The following CACNA1A variants were observed in gnomAD, a reference collection of about 807,000 sequenced individuals.
CACNA1A encodes the protein calcium voltage-gated channel subunit alpha1 A, also known as voltage-dependent P/Q-type calcium channel subunit alpha-1A.
CACNA1A carries 57 observed loss-of-function variants against 262.4 expected under a neutral mutation model. That is an observed-to-expected ratio of 0.22 (90% confidence interval 0.18 to 0.27). CACNA1A has a LOEUF of 0.27. Ranked by LOEUF, CACNA1A falls within the 10% of genes least tolerant of loss-of-function variation. The pLI is 1.00. For missense variants in CACNA1A, 2,526 were observed against 3,562.8 expected, an observed-to-expected ratio of 0.71 and a Z score of 7.41; for synonymous variants, 1,431 against 1,419.3, an observed-to-expected ratio of 1.01 and a Z score of -0.18.
At chr19:13,217,184 G>A (rs938842846) in intron 38 of CACNA1A, among the ~76,000 whole-genome samples, 2 of 152,052 alleles carry the variant, frequency 1.3e-5, no homozygotes, top group African/African-American at 4.8e-5. Context: ...AGATTCTTCT[G>A]GGCAGAGAGA....
chr19:13,280,555 G>A (rs1427645563), intron 22 of CACNA1A, among the ~76,000 whole-genome samples: 1 of 152,066 alleles, frequency 6.6e-6, no homozygotes, highest in Non-Finnish European at 1.5e-5. Context: ...CATGGGGACA[G>A]TATTCACACT....
intron 21 of CACNA1A, chr19:13,284,146 C>T (rs1432555182): frequency 2.0e-5 from 3 of 149,950 alleles, no homozygotes; most frequent in Non-Finnish European, 4.4e-5. Context: ...CTCCCACTGG[C>T]TTGCTGTGTG....
chr19:13,209,039 C>G, intron 45 of CACNA1A, 30 bp from the exon 46 acceptor site: 4 of 1,536,676 alleles, frequency 2.6e-6, no homozygotes, highest in Non-Finnish European at 3.5e-6. Flanking sequence ...GACAGACACA[C>G]AGGTGGTCGT....
chr19:13,313,048 T>TG (rs910057500), intron 11 of CACNA1A, among the ~76,000 whole-genome samples: 1 of 152,012 alleles, frequency 6.6e-6, no homozygotes, highest in East Asian at 2.0e-4. Flanking sequence ...TATGTGGAGA[T>TG]GGGGGTCTCA....
intron 37 of CACNA1A, among the ~76,000 whole-genome samples, chr19:13,226,784 G>A (rs1470063803): frequency 1.3e-5 from 2 of 152,178 alleles, no homozygotes; most frequent in African/African-American, 2.4e-5. Flanking sequence ...AGCTGCGGCC[G>A]CCTGCCCACT....
intron 3 of CACNA1A, among the ~76,000 whole-genome samples, chr19:13,448,925 CAT>C (rs1445732192): frequency 1.3e-5 from 2 of 152,204 alleles, no homozygotes; most frequent in East Asian, 1.9e-4. Flanking sequence ...AACAGTACCA[CAT>C]ATCTCTTTTT....
chr19:13,441,529 T>C (rs888351652), intron 3 of CACNA1A, among the ~76,000 whole-genome samples: 3 of 151,802 alleles, frequency 2.0e-5, no homozygotes, highest in African/African-American at 7.3e-5. Context: ...TAGCCAGGCA[T>C]GGTGGTGTGC....
At position 13,376,717 on chromosome 19, in the gene CACNA1A, ATAAT is replaced by A. The variant is rs2059414359; in HGVS notation, c.540-4942_540-4939del. Among the ~76,000 whole-genome samples the A allele has an allele frequency of 2.0e-5, 3 of 148,076 alleles. 1 individual carries two copies. Among genetic ancestry groups the A allele is most frequent in the African/African-American group, 7.4e-5 (3 of 40,806 alleles). On this transcript the variant is annotated intron_variant, in intron 3 of 46. Transcript: ENST00000360228. Reference sequence around the variant, plus strand: ...ATATGTTACATATGATACACTACACATAATATATGTTATATATGATATATATAAC... The same window carrying A: ...ATATGTTACATATGATACACTACACAATATGTTATATATGATATATATAAC...
intron 1 of CACNA1A, among the ~76,000 whole-genome samples, chr19:13,493,804 G>C (rs574499672): frequency 6.6e-6 from 1 of 152,310 alleles, no homozygotes; most frequent in South Asian, 2.1e-4. Flanking sequence ...ATTGTTACAT[G>C]AATATAATAC....
intron 10 of CACNA1A, among the ~76,000 whole-genome samples, chr19:13,327,163 G>A (rs1228315440): frequency 6.6e-6 from 1 of 152,112 alleles, no homozygotes; most frequent in African/African-American, 2.4e-5. Context: ...TTACAGGCGT[G>A]AGCCACCACA....
In CACNA1A at chr19:13,207,011, T is replaced by C. The variant is rs111240372; in HGVS notation, c.*302A>G. On this transcript the variant is annotated 3_prime_UTR_variant, in exon 47 of 47. Coordinates refer to ENST00000360228, the MANE Select transcript of CACNA1A (RefSeq NM_001127222.2). The surrounding 1 kb of genome is among the most constrained non-coding windows in gnomAD (Gnocchi z 5.7). ...AGTTCTCCAAAAATGGCTGAGTTAATTCAAATCCCTTGGCTGTGTGGTTTG... is the reference window on the plus strand; with the variant it reads ...AGTTCTCCAAAAATGGCTGAGTTAACTCAAATCCCTTGGCTGTGTGGTTTG... 1,156 of 154,954 alleles carry C rather than the reference T, an allele frequency of 7.5e-3. 4 individuals carry two copies. Among genetic ancestry groups the C allele is most frequent in the Non-Finnish European group, 9.9e-3 (749 of 75,374 alleles). The allele number at this position is 154,954 out of a possible 1,614,324, so 9.6% of individuals were successfully genotyped here. A position where few individuals can be genotyped will look rare whatever the true frequency, so the allele number is the denominator to read the frequency against.
intron 3 of CACNA1A, among the ~76,000 whole-genome samples, chr19:13,427,400 C>T (rs1327817333): frequency 5.3e-5 from 8 of 151,532 alleles, no homozygotes; most frequent in Admixed American, 2.6e-4. Flanking sequence ...TGCAGTGAGC[C>T]GAGATCATGC....
chr19:13,327,765 GT>G (rs1319672396), intron 10 of CACNA1A, among the ~76,000 whole-genome samples: 2 of 151,984 alleles, frequency 1.3e-5, no homozygotes, highest in Middle Eastern at 3.4e-3. Flanking sequence ...TACAGACACG[GT>G]TTCACCATGT....
intron 38 of CACNA1A, among the ~76,000 whole-genome samples, chr19:13,221,225 T>TTCTTTC (rs1491338212): frequency 4.9e-5 from 2 of 41,048 alleles, no homozygotes; most frequent in Non-Finnish European, 4.0e-5. Context: ...TTCTTTTCTT[T>TTCTTTC]CTTTCTTTCT....
chr19:13,248,409 C>CAAAAAA (rs61481896), intron 30 of CACNA1A, among the ~76,000 whole-genome samples: 8 of 58,800 alleles, frequency 1.4e-4, no homozygotes, highest in Admixed American at 4.6e-4. Context: ...GATCCCATCT[C>CAAAAAA]AAAAAAAAAA....
intron 10 of CACNA1A, among the ~76,000 whole-genome samples, chr19:13,326,306 C>T (rs2058361199): frequency 6.7e-6 from 1 of 150,296 alleles, no homozygotes; most frequent in African/African-American, 2.5e-5. Context: ...CAGAGTAAGA[C>T]TCCATCTCAA....
rs2059069004 is a variant in CACNA1A at position 13,359,748 on chromosome 19, C to T, written c.836G>A (p.Arg279His). 2.6e-6 allele frequency: 4 copies of T among 1,561,370 alleles called. No individual in the cohort carries two copies. The highest frequency in any genetic ancestry group is 3.5e-6 in the Non-Finnish European group (4 of 1,152,306). The change falls in exon 6 of 47, where the codon CGC (arginine) becomes CAC (histidine). Residue 279 changes from arginine to histidine, a missense_variant. Arg to His is a conservative substitution (Grantham distance 29). Transcript: ENST00000360228. ...ACATTTGGTCCCATTGGGGCAGGTG[C>T]GGGCGGGCTCTTCTGTCCCACATGG... The part of the protein sequence containing the change: ...PAPCGTEEPA[R>H]TCPNGTKCQP...
rs755859875 is a variant in CACNA1A, at chr19:13,359,594, A to T, written c.978+12T>A. 6.2e-7 allele frequency: 1 copy of T among 1,600,622 alleles called. No homozygotes were observed. Among genetic ancestry groups the T allele is most frequent in the South Asian group, 1.1e-5 (1 of 89,334 alleles). On this transcript the variant is annotated intron_variant, in intron 6 of 46. Transcript: ENST00000360228. ...TCTGATTGTCCACACACACTGTCCC[A>T]GCATCACTTACATTGTAGAGGAGAT...
chr19:13,334,153 T>G (rs1046040090), intron 8 of CACNA1A: 5 of 520,054 alleles, frequency 9.6e-6, no homozygotes, highest in East Asian at 6.3e-5. Flanking sequence ...AACCAGCGTC[T>G]GATTTCAGAA....
Sources: allele counts gnomAD v4.1 joint callset (sites outside exome capture counted in the v4.1 genomes callset), GRCh38; gene constraint gnomAD v4.1.1; non-coding constraint Gnocchi (gnomAD v3.1); transcripts MANE v1.5; gene names NCBI Gene and HGNC (gene_info 2026-07-23, HGNC 2026-07-21).